Variants in MYO18A observed in about 807,000 individuals in gnomAD.
MYO18A encodes the protein myosin XVIIIA, also known as unconventional myosin-XVIIIa.
A neutral mutation model predicts 235.8 loss-of-function variants in MYO18A; 78 were observed. That is an observed-to-expected ratio of 0.33 (90% CI 0.28 to 0.40). The LOEUF (loss-of-function observed/expected upper bound fraction) is 0.40, where lower values mean the gene tolerates loss of function less well. Ranked by LOEUF, MYO18A falls within the 10% of genes least tolerant of loss-of-function variation. MYO18A has a pLI of 1.00. For synonymous variants in MYO18A, 977 were observed against 1,077.8 expected (o/e 0.91, Z 1.83); for missense variants, 2,215 against 2,699.3 (o/e 0.82, Z 3.98).
At chr17:29,115,604 G>A in intron 12 of MYO18A, 60 bp downstream of exon 12, 2 of 1,516,896 alleles carry the variant, frequency 1.3e-6, no homozygotes, top group Non-Finnish European at 1.8e-6. Flanking sequence ...CCCCAGGGAT[G>A]GCAGCAAGCC....
intron 2 of MYO18A, among the ~76,000 whole-genome samples, chr17:29,143,588 GA>G (rs1415082361): frequency 6.6e-6 from 1 of 151,990 alleles, no homozygotes; most frequent in African/African-American, 2.4e-5. Context: ...ATAAGCGGGG[GA>G]AAAAATGAGG....
In MYO18A at chr17:29,099,657, G is replaced by C; in HGVS notation, c.3613C>G (p.Arg1205Gly). The change falls in exon 22 of 42, where the codon CGC becomes GGC. Residue 1205 changes from arginine (R) to glycine (G), a missense_variant. Physicochemically the swap from Arg to Gly is moderately radical, Grantham distance 125 (BLOSUM62 -2). Coordinates refer to ENST00000527372, the MANE Select transcript of MYO18A (RefSeq NM_078471.4). ...FQAACRGYLA[R>G]QHFKKRKIQD... ...ACCTTTCTCTTCTTGAAGTGCTGGCGGGCCAGGTAGCCCCTGCAGGCTGCT... is the reference window on the plus strand; with the variant it reads ...ACCTTTCTCTTCTTGAAGTGCTGGCCGGCCAGGTAGCCCCTGCAGGCTGCT... 1 of 1,613,706 alleles carries C rather than the reference G, an allele frequency of 6.2e-7. No individual in the cohort carries two copies. The highest frequency in any genetic ancestry group is 8.5e-7 in the Non-Finnish European group (1 of 1,179,798).
At chr17:29,129,573 A>G (rs8080082) in intron 2 of MYO18A, among the ~76,000 whole-genome samples, 69,240 of 152,048 alleles carry the variant, frequency 0.46, 16,201 homozygotes, top group East Asian at 0.85. Flanking sequence ...TTGTTGGCCA[A>G]GCAGAGCTCT....
chr17:29,080,778 C>T (rs530907707), intron 41 of MYO18A: 1 of 985,526 alleles, frequency 1.0e-6, no homozygotes, highest in East Asian at 1.1e-4. Flanking sequence ...ACTCCTCCGG[C>T]TCCTCGGACT....
intron 22 of MYO18A, 106 bp from the exon 23 acceptor site, chr17:29,099,075 C>T: frequency 1.4e-6 from 2 of 1,408,440 alleles, no homozygotes; most frequent in Non-Finnish European, 2.0e-6. Flanking sequence ...GGCTGCTCCT[C>T]TGGCCCCCTG....
In MYO18A at chr17:29,097,867, C is replaced by A. The variant is rs576744394; in HGVS notation, c.4023G>T (p.Glu1341Asp). Residue 1341 changes from glutamate (E) to aspartate (D), a missense_variant, in exon 26 of 42, where the codon GAG becomes GAT. Glu to Asp is a conservative substitution (Grantham distance 45). Transcript: ENST00000527372. ...CCTCCATCACCTCCATTTCCATAACCTCCATCTGCTTCTTCAGTGCATCGT... is the reference window on the plus strand; with the variant it reads ...CCTCCATCACCTCCATTTCCATAACATCCATCTGCTTCTTCAGTGCATCGT... ...TQYDALKKQMEVMEMEVMEAR... is the reference protein window; with the variant it reads ...TQYDALKKQMDVMEMEVMEAR... 2 of 1,613,790 alleles carry A rather than the reference C, an allele frequency of 1.2e-6. No individual in the cohort carries two copies. The highest frequency in any genetic ancestry group is 1.7e-5 in the Admixed American group (1 of 59,992).
At position 29,125,570 on chromosome 17, in the gene MYO18A, G is replaced by A. The variant is rs1050860458; in HGVS notation, c.1000-3317C>T. On this transcript the variant is annotated intron_variant, in intron 2 of 41. Coordinates refer to ENST00000527372, the MANE Select transcript of MYO18A (RefSeq NM_078471.4). The surrounding 1 kb of genome is among the most constrained non-coding windows in gnomAD (Gnocchi z 5.1). ...AGAGAGCCAGGTCACCAAAAATAGC[G>A]ACAGCAACCTTCCTTACCACCCGCC... is the stretch of plus-strand genomic sequence containing the variant. Among the ~76,000 whole-genome samples the A allele has an allele frequency of 2.0e-5, 3 of 152,202 alleles. No individual in the cohort carries two copies. Among genetic ancestry groups the A allele is most frequent in the South Asian group, 2.1e-4 (1 of 4,832 alleles).
In MYO18A at chr17:29,166,316, G is replaced by C; in HGVS notation, c.625C>G (p.Pro209Ala). The C allele has an allele frequency of 6.2e-7, 1 of 1,612,546 alleles. No individual in the cohort carries two copies. The highest frequency in any genetic ancestry group is 8.5e-7 in the Non-Finnish European group (1 of 1,179,872). ...GTAGGTGGGGGCAGGGGCACCACGG[G>C]GGGCAGGCGCAGGTCGACTGGGAAC... ...KKFPVDLRLP[P>A]VVPLPPPTLR... The change falls in exon 2 of 42, where the codon CCC becomes GCC. Residue 209 changes from proline (P) to alanine (A), a missense_variant. Transcript: ENST00000527372.
At chr17:29,149,069 T>C (rs2067914278) in intron 2 of MYO18A, among the ~76,000 whole-genome samples, 1 of 152,174 alleles carries the variant, frequency 6.6e-6, no homozygotes, top group Non-Finnish European at 1.5e-5. Context: ...CCTCCCGCTT[T>C]GCTGGGGCCG....
chr17:29,098,375 C>G lies in MYO18A; in HGVS notation c.3851G>C (p.Ser1284Thr). ...EKERNELRLN[S>T]DRLESRISEL... ...ACTCACCCGGCTCTCCAGCCGGTCA[C>G]TGTTGAGCCGCAGCTCGTTCCTCTC... Residue 1284 changes from serine to threonine, a missense_variant, in exon 24 of 42, where the codon AGT becomes ACT. Transcript: ENST00000527372. The G allele has an allele frequency of 6.2e-7, 1 of 1,613,938 alleles. No individual in the cohort carries two copies. The highest frequency in any genetic ancestry group is 8.5e-7 in the Non-Finnish European group (1 of 1,179,878).
intron 2 of MYO18A, among the ~76,000 whole-genome samples, chr17:29,142,146 G>GTGTTAGCCAGGA (rs1567628383): frequency 2.0e-5 from 3 of 152,224 alleles, no homozygotes; most frequent in African/African-American, 7.2e-5. Context: ...GGGTTTCACC[G>GTGTTAGCCAGGA]TGGTCTCAAT....
At chr17:29,171,986 T>C (rs1380931090) in intron 1 of MYO18A, among the ~76,000 whole-genome samples, 1 of 152,054 alleles carries the variant, frequency 6.6e-6, no homozygotes, top group Non-Finnish European at 1.5e-5. Flanking sequence ...ATGTTAATTG[T>C]AGAATCTAGG....
Position 29,114,947 on chromosome 17 carries a change from T to C in MYO18A, c.2471A>G (p.His824Arg), listed in dbSNP as rs777269917. 1 of 1,613,996 alleles carries C rather than the reference T, an allele frequency of 6.2e-7. No homozygotes were observed. Among genetic ancestry groups the C allele is most frequent in the Non-Finnish European group, 8.5e-7 (1 of 1,179,880 alleles). The change falls in exon 14 of 42, where the codon CAC becomes CGC. Residue 824 changes from histidine (H) to arginine (R), a missense_variant. By Grantham distance (29) the His-to-Arg change is conservative. Coordinates refer to ENST00000527372, the MANE Select transcript of MYO18A (RefSeq NM_078471.4). The stretch of plus-strand genomic sequence containing the variant: ...CAACTCCTGCACGAAGGTGCGCTCG[T>C]GGAAGAGCCTCTGCAGCCGGTCTTG... Reference protein sequence around the residue: ...YTQDRLQRLFHERTFVQELER... With the variant: ...YTQDRLQRLFRERTFVQELER...
In MYO18A at chr17:29,118,886, G is replaced by C. The variant is rs573065168; in HGVS notation, c.1830-446C>G. ...GGCAGAGGCAGCCAACGTGGGGCAG[G>C]AAGGGCTAGTCTGGAGGGCACTGGA... On this transcript the variant is annotated intron_variant, in intron 8 of 41. Coordinates refer to ENST00000527372, the MANE Select transcript of MYO18A (RefSeq NM_078471.4). This position sits in a 1 kb window ranked among gnomAD's most constrained non-coding sequence, Gnocchi z 4.2. 2.0e-5 allele frequency among the ~76,000 whole-genome samples: 3 copies of C among 152,306 alleles called. No individual in the cohort carries two copies. In the South Asian group the frequency reaches 6.2e-4, roughly 32 times the overall value.
rs958013064 is a variant in MYO18A, at chr17:29,109,956, T to A, written c.3233A>T (p.Asp1078Val). 3.7e-6 allele frequency: 6 copies of A among 1,609,036 alleles called. No homozygotes were observed. The highest frequency in any genetic ancestry group is 1.7e-4 in the Middle Eastern group (1 of 5,904). The change falls in exon 19 of 42, where the codon GAC becomes GTC. Residue 1078 changes from aspartate to valine, a missense_variant. Transcript: ENST00000527372. This position sits in a 1 kb window ranked among gnomAD's most constrained non-coding sequence, Gnocchi z 4.1. ...CTGCAGGAGCCCAGCCTCGCAGTGG[T>A]CTCCCGAGGGCAGGTCCAGCTCACT... The part of the protein sequence containing the change: ...SSSELDLPSG[D>V]HCEAGLLQLD...
Position 29,120,782 on chromosome 17 carries a change from A to C in MYO18A, c.1586-24T>G, listed in dbSNP as rs761377833. The C allele has an allele frequency of 6.2e-7, 1 of 1,604,114 alleles. No homozygotes were observed. Among genetic ancestry groups the C allele is most frequent in the Non-Finnish European group, 8.5e-7 (1 of 1,174,020 alleles). Reference sequence around the variant, plus strand: ...CACTGCAGAATACAGGCCCAAGGGGATATCAGGAAAGCCAGGGGCAGCTTA... The same window carrying C: ...CACTGCAGAATACAGGCCCAAGGGGCTATCAGGAAAGCCAGGGGCAGCTTA... On this transcript the variant is annotated intron_variant, in intron 6 of 41. Transcript: ENST00000527372. This position sits in a 1 kb window ranked among gnomAD's most constrained non-coding sequence, Gnocchi z 4.2.
chr17:29,083,559 C>T (rs1347583156), intron 40 of MYO18A, among the ~76,000 whole-genome samples: 4 of 151,182 alleles, frequency 2.6e-5, no homozygotes, highest in Admixed American at 2.0e-4. Context: ...CACACACACA[C>T]GAAACCAGCA....
At chr17:29,152,616 C>CCATTAACAGGAA (rs1481080073) in intron 2 of MYO18A, among the ~76,000 whole-genome samples, 3 of 152,166 alleles carry the variant, frequency 2.0e-5, no homozygotes, top group Non-Finnish European at 4.4e-5. Context: ...CAGAGCTGAG[C>CCATTAACAGGAA]CATTAACAGG....
intron 21 of MYO18A, among the ~76,000 whole-genome samples, chr17:29,101,048 A>AAT (rs1385240409): frequency 6.6e-6 from 1 of 152,182 alleles, no homozygotes. Context: ...CCCAGGCTGG[A>AAT]GTAAAGTGGT....
Sources: gnomAD v4.1 joint callset for allele counts (sites outside exome capture counted in the v4.1 genomes callset) on GRCh38, gnomAD v4.1.1 for gene constraint, Gnocchi (gnomAD v3.1) non-coding constraint, MANE v1.5 for transcripts, NCBI Gene and HGNC (gene_info 2026-07-23, HGNC 2026-07-21) for gene names.